The following CTNNA2 variants were observed in gnomAD, a reference collection of about 807,000 sequenced individuals.
CTNNA2 encodes the protein catenin alpha 2, also known as catenin alpha-2.
CTNNA2 carries 42 observed loss-of-function variants against 101.0 expected under a neutral mutation model. That is an observed-to-expected ratio of 0.42 (90% CI 0.32 to 0.54). CTNNA2 has a LOEUF of 0.54. CTNNA2 is among the 20% of genes least tolerant of loss of function. CTNNA2 has a pLI of 0.14. For synonymous variants in CTNNA2, 450 were observed against 456.4 expected (o/e 0.99, Z 0.18); for missense variants, 871 against 1,223.1 (o/e 0.71, Z 4.29).
chr2:79,406,328 T>C, intron 4 of CTNNA2, among the ~76,000 whole-genome samples: 1 of 141,790 alleles, frequency 7.1e-6, no homozygotes, highest in East Asian at 1.9e-4. Context: ...AAAGGATACA[T>C]GTAGGAGGAC....
At chr2:80,610,899 A>G (rs1273152329) in intron 17 of CTNNA2, among the ~76,000 whole-genome samples, 4 of 151,604 alleles carry the variant, frequency 2.6e-5, no homozygotes, top group Middle Eastern at 3.2e-3. Context: ...TCCAGGCATC[A>G]TGACGGCGAT....
At chr2:80,217,193 G>A (rs1708322272) in intron 7 of CTNNA2, among the ~76,000 whole-genome samples, 1 of 152,028 alleles carries the variant, frequency 6.6e-6, no homozygotes, top group Admixed American at 6.6e-5. Context: ...TTTCTATGTA[G>A]CTTTTGAAGC....
intron 7 of CTNNA2, among the ~76,000 whole-genome samples, chr2:79,946,227 A>G (rs903526117): frequency 6.6e-6 from 1 of 152,084 alleles, no homozygotes; most frequent in Non-Finnish European, 1.5e-5. Flanking sequence ...TGGGAACTAG[A>G]GCCATGTCTC....
At chr2:80,121,573 G>T (rs1312335211) in intron 7 of CTNNA2, among the ~76,000 whole-genome samples, 1 of 152,076 alleles carries the variant, frequency 6.6e-6, no homozygotes, top group Non-Finnish European at 1.5e-5. Context: ...ACCTAAAATG[G>T]CAATCTCGTA....
At chr2:80,354,476 T>C (rs1673594315) in intron 7 of CTNNA2, among the ~76,000 whole-genome samples, 1 of 152,122 alleles carries the variant, frequency 6.6e-6, no homozygotes, top group Non-Finnish European at 1.5e-5. Context: ...AGTGCATCTT[T>C]AGGGTGGTGT....
intron 7 of CTNNA2, among the ~76,000 whole-genome samples, chr2:79,951,291 GATAA>G (rs1488880113): frequency 9.2e-5 from 14 of 152,146 alleles, no homozygotes; most frequent in African/African-American, 3.4e-4. Flanking sequence ...CCCGCCCAAA[GATAA>G]AGTGCTTCAG....
At chr2:79,197,966 A>C (rs1409597535) in exon 2 of CTNNA2, 1 of 152,186 alleles carries the variant, frequency 6.6e-6, no homozygotes, top group African/African-American at 2.4e-5. Context: ...TAGAGACGGG[A>C]TCTCAGCATG....
At chr2:80,278,182 G>A (rs1674076867) in intron 7 of CTNNA2, among the ~76,000 whole-genome samples, 1 of 152,080 alleles carries the variant, frequency 6.6e-6, no homozygotes, top group African/African-American at 2.4e-5. Flanking sequence ...AGTAATGTAG[G>A]CAAAGCACTT....
intron 7 of CTNNA2, among the ~76,000 whole-genome samples, chr2:80,055,432 A>G (rs1219627172): frequency 6.6e-6 from 1 of 152,154 alleles, no homozygotes; most frequent in African/African-American, 2.4e-5. Flanking sequence ...CTCCCCAGCA[A>G]TCATACTAGA....
At chr2:79,262,031 G>A (rs548877368) in intron 2 of CTNNA2, among the ~76,000 whole-genome samples, 1 of 152,142 alleles carries the variant, frequency 6.6e-6, no homozygotes, top group East Asian at 1.9e-4. Context: ...TCTAGGTCTG[G>A]GCATATTAAT....
intron 7 of CTNNA2, among the ~76,000 whole-genome samples, chr2:80,285,304 A>G (rs148452298): frequency 8.5e-5 from 13 of 152,228 alleles, no homozygotes; most frequent in African/African-American, 2.9e-4. Flanking sequence ...TAAGGAAGAG[A>G]TTCTGCCCTC....
At chr2:79,536,354 C>T (rs1329615751) in intron 1 of CTNNA2, among the ~76,000 whole-genome samples, 3 of 152,094 alleles carry the variant, frequency 2.0e-5, no homozygotes, top group African/African-American at 7.2e-5. Flanking sequence ...AAAGTATAGG[C>T]ACATTCAGGT....
At chr2:79,620,127 A>G (rs569978844) in intron 1 of CTNNA2, among the ~76,000 whole-genome samples, 3 of 152,300 alleles carry the variant, frequency 2.0e-5, no homozygotes, top group African/African-American at 7.2e-5. Flanking sequence ...AAATCTATTT[A>G]TGTCAGTGTG....
chr2:79,960,187 A>C (rs1434617425), intron 7 of CTNNA2, among the ~76,000 whole-genome samples: 2 of 152,226 alleles, frequency 1.3e-5, no homozygotes, highest in Non-Finnish European at 2.9e-5. Flanking sequence ...ACAAAAGAAA[A>C]AGCCATTCTC....
intron 2 of CTNNA2, among the ~76,000 whole-genome samples, chr2:79,686,153 G>C (rs947631452): frequency 1.3e-5 from 2 of 152,026 alleles, no homozygotes; most frequent in Non-Finnish European, 2.9e-5. Context: ...CCCATTGCAG[G>C]GAAAGTCATG....
intron 3 of CTNNA2, among the ~76,000 whole-genome samples, chr2:79,834,366 TG>T (rs1296923199): frequency 1.3e-5 from 2 of 152,146 alleles, no homozygotes; most frequent in Non-Finnish European, 2.9e-5. Context: ...CTGAAGTAGT[TG>T]TAACCATGTA....
chr2:80,201,701 A>C (rs1489863046), intron 7 of CTNNA2, among the ~76,000 whole-genome samples: 3 of 152,104 alleles, frequency 2.0e-5, no homozygotes, highest in South Asian at 4.1e-4. Context: ...TAATCATGGT[A>C]AAGTGTTCAG....
intron 7 of CTNNA2, among the ~76,000 whole-genome samples, chr2:79,960,445 C>T (rs1191601277): frequency 1.3e-5 from 2 of 152,166 alleles, no homozygotes; most frequent in Non-Finnish European, 2.9e-5. Flanking sequence ...GAGAAAACAC[C>T]TACAAGCAAA....
intron 2 of CTNNA2, among the ~76,000 whole-genome samples, chr2:79,213,374 A>G (rs148153796): frequency 1.2e-3 from 178 of 152,310 alleles, no homozygotes; most frequent in African/African-American, 4.0e-3. Context: ...AACCTCTTGC[A>G]TGGTGGTGCA....
Sources: gnomAD v4.1 joint callset for allele counts (sites outside exome capture counted in the v4.1 genomes callset) on GRCh38, gnomAD v4.1.1 for gene constraint, MANE v1.5 for transcripts, NCBI Gene and HGNC (gene_info 2026-07-23, HGNC 2026-07-21) for gene names.